The following RBM6 variants were observed in gnomAD, a reference collection of about 807,000 sequenced individuals.
The protein encoded by RBM6 is RNA-binding protein 6.
RBM6 carries 23 observed loss-of-function variants against 140.4 expected under a neutral mutation model. The observed-to-expected ratio is 0.16, with a 90% CI of 0.12 to 0.23. RBM6 has a LOEUF of 0.23. Among genes scored for constraint, RBM6 ranks in the 10% least tolerant of loss-of-function variants. The pLI is 1.00. For missense variants in RBM6, 1,139 were observed against 1,386.7 expected, an observed-to-expected ratio of 0.82 and a Z score of 2.84; for synonymous variants, 439 against 475.6, an observed-to-expected ratio of 0.92 and a Z score of 1.00.
intron 11 of RBM6, among the ~76,000 whole-genome samples, chr3:50,060,590 A>G (rs569232147): frequency 1.2e-5 from 1 of 83,788 alleles, no homozygotes; most frequent in East Asian, 9.9e-4. Flanking sequence ...TACTAAAAAT[A>G]CAAAAAAAAA....
At chr3:49,957,236 A>G (rs2084035750) in intron 1 of RBM6, among the ~76,000 whole-genome samples, 1 of 151,994 alleles carries the variant, frequency 6.6e-6, no homozygotes, top group African/African-American at 2.4e-5. Flanking sequence ...GGCTTCCTGA[A>G]GTGCTGGGAT....
intron 7 of RBM6, among the ~76,000 whole-genome samples, chr3:50,053,304 G>C (rs1248857935): frequency 2.0e-5 from 3 of 152,128 alleles, no homozygotes; most frequent in African/African-American, 7.2e-5. Context: ...GGCCGAGGCG[G>C]GCAGATCACC....
rs1458709170 is a variant in RBM6 at position 50,034,905 on chromosome 3, G to A, written c.1558-13340G>A. On this transcript the variant is annotated intron_variant, in intron 6 of 20. Coordinates refer to ENST00000266022, the MANE Select transcript of RBM6 (RefSeq NM_005777.3). ...CTAAAGAAGCAGGCTCAGCTTCTTTGTCCCTTTCACTAATTTGCTATGGCT... is the reference window on the plus strand; with the variant it reads ...CTAAAGAAGCAGGCTCAGCTTCTTTATCCCTTTCACTAATTTGCTATGGCT... Among the ~76,000 whole-genome samples the A allele has an allele frequency of 8.5e-5, 13 of 152,180 alleles. No individual in the cohort carries two copies. In the East Asian group the frequency reaches 2.5e-3, roughly 29 times the overall value.
intron 5 of RBM6, among the ~76,000 whole-genome samples, chr3:49,989,274 C>T (rs181946357): frequency 3.9e-5 from 6 of 152,210 alleles, no homozygotes; most frequent in African/African-American, 4.8e-5. Context: ...ATATGCCAAT[C>T]GGTTAAATAA....
At position 49,966,935 on chromosome 3, in the gene RBM6, TG is replaced by T. The variant is rs371924983; in HGVS notation, c.45-532del. ...ATTTACAACCAGTGTTTCTTCTTTT[TG>T]GGCCTGCATCCATTTTGATTGGGTG... On this transcript the variant is annotated intron_variant, in intron 2 of 20. Transcript: ENST00000266022. Among the ~76,000 whole-genome samples, 46 of 152,318 alleles carry T rather than the reference TG, an allele frequency of 3.0e-4. No homozygotes were observed. The South Asian group carries it at 8.9e-3, about 30-fold the overall frequency.
At chr3:50,033,139 A>G (rs2088281810) in intron 6 of RBM6, among the ~76,000 whole-genome samples, 1 of 152,008 alleles carries the variant, frequency 6.6e-6, no homozygotes, top group Admixed American at 6.6e-5. Context: ...TCTACTAAAA[A>G]TACAAAAATT....
intron 6 of RBM6, among the ~76,000 whole-genome samples, chr3:50,029,292 G>T (rs2088011209): frequency 6.6e-6 from 1 of 152,186 alleles, no homozygotes; most frequent in South Asian, 2.1e-4. Context: ...AGAAGTTGAT[G>T]CCTTGCATTA....
intron 20 of RBM6, among the ~76,000 whole-genome samples, chr3:50,076,322 C>T (rs1458082590): frequency 6.6e-6 from 1 of 150,710 alleles, no homozygotes; most frequent in East Asian, 2.1e-4. Flanking sequence ...GTGGCTTATG[C>T]TTGTAATCCC....
chr3:49,940,889 C>CTT (rs2083254926), intron 1 of RBM6: 4 of 92,602 alleles, frequency 4.3e-5, no homozygotes, highest in African/African-American at 1.7e-4. Context: ...TTTGGGAATG[C>CTT]CTTTTTTTTT....
intron 5 of RBM6, 97 bp downstream of exon 5, chr3:49,975,489 A>G (rs912064757): frequency 9.1e-6 from 10 of 1,095,454 alleles, no homozygotes; most frequent in Middle Eastern, 2.0e-4. Flanking sequence ...AGAAACCACA[A>G]TTAAAATTTC....
At chr3:49,946,753 T>C (rs1209193583) in intron 1 of RBM6, among the ~76,000 whole-genome samples, 1 of 151,948 alleles carries the variant, frequency 6.6e-6, no homozygotes, top group African/African-American at 2.4e-5. Context: ...CAGGCTGGTC[T>C]TGAACTCCTG....
In RBM6 at chr3:49,956,140, A is replaced by G. The variant is rs188108529; in HGVS notation, c.-66-6436A>G. ...TGGGCTCAAGTGATCCTCCTGTCCC[A>G]GTCTCCTGAGTAGCTGGTAGTATAG... On this transcript the variant is annotated intron_variant, in intron 1 of 20. Transcript: ENST00000266022. 7.1e-3 allele frequency among the ~76,000 whole-genome samples: 1,075 copies of G among 151,236 alleles called. 15 individuals are homozygous for G. The highest frequency in any genetic ancestry group is 0.025 in the African/African-American group (1,025 of 41,204).
At chr3:50,075,373 A>G (rs1559662594) in intron 20 of RBM6, 43 bp downstream of exon 20, 1 of 1,597,868 alleles carries the variant, frequency 6.3e-7, no homozygotes, top group East Asian at 2.2e-5. Flanking sequence ...TGAACCTGGA[A>G]TGTAATTAAC....
chr3:50,001,869 A>T (rs2086346784), intron 6 of RBM6, among the ~76,000 whole-genome samples: 1 of 152,174 alleles, frequency 6.6e-6, no homozygotes, highest in African/African-American at 2.4e-5. Context: ...CTATAAAGAA[A>T]ATGAAGCAGG....
At chr3:49,951,653 C>T (rs1397877165) in intron 1 of RBM6, among the ~76,000 whole-genome samples, 1 of 151,916 alleles carries the variant, frequency 6.6e-6, no homozygotes, top group Non-Finnish European at 1.5e-5. Flanking sequence ...TCACTGCATC[C>T]TCTGCCTCCC....
chr3:50,022,558 G>A (rs1575720941), intron 6 of RBM6, among the ~76,000 whole-genome samples: 1 of 152,078 alleles, frequency 6.6e-6, no homozygotes. Context: ...GCGAACTCCC[G>A]ATCTTAGGTG....
At chr3:50,025,908 A>G (rs527962616) in intron 6 of RBM6, among the ~76,000 whole-genome samples, 182 of 152,042 alleles carry the variant, frequency 1.2e-3, no homozygotes, top group Non-Finnish European at 2.2e-3. Context: ...ACTTTGACCA[A>G]CATGGTGAAA....
intron 6 of RBM6, among the ~76,000 whole-genome samples, chr3:50,046,359 T>C (rs1397774698): frequency 6.6e-6 from 1 of 150,896 alleles, no homozygotes; most frequent in African/African-American, 2.4e-5. Context: ...GTGGGCGGAT[T>C]ACCTAAGGTT....
At chr3:49,949,477 C>T (rs138783992) in intron 1 of RBM6, among the ~76,000 whole-genome samples, 7 of 152,232 alleles carry the variant, frequency 4.6e-5, no homozygotes, top group African/African-American at 1.7e-4. Flanking sequence ...ATTGCAACCT[C>T]TGCCTCCCGG....
Sources: gnomAD v4.1 joint callset for allele counts (sites outside exome capture counted in the v4.1 genomes callset) on GRCh38, gnomAD v4.1.1 for gene constraint, MANE v1.5 for transcripts, NCBI Gene and HGNC (gene_info 2026-07-23, HGNC 2026-07-21) for gene names.